Variants in CNTNAP2 observed in about 807,000 individuals in gnomAD.
CNTNAP2 encodes contactin associated protein 2, also known as contactin-associated protein-like 2.
In CNTNAP2, 98 loss-of-function variants were observed where a neutral mutation model predicts 155.2. That is an observed-to-expected ratio of 0.63 (90% CI 0.54 to 0.75). CNTNAP2 has a LOEUF of 0.75. Among genes scored for constraint, CNTNAP2 ranks in the 30% least tolerant of loss-of-function variants. The pLI is 0.00. For synonymous variants in CNTNAP2, 651 were observed against 631.2 expected (o/e 1.03, Z -0.47); for missense variants, 1,727 against 1,688.1 (o/e 1.02, Z -0.40).
rs559004486 is a variant in CNTNAP2 at position 146,787,588 on chromosome 7, C to T, written c.208+13207C>T. 5.9e-5 allele frequency among the ~76,000 whole-genome samples: 9 copies of T among 152,112 alleles called. No individual in the cohort carries two copies. In the East Asian group the frequency reaches 9.6e-4, roughly 16 times the overall value. On this transcript the variant is annotated intron_variant, in intron 2 of 23. Coordinates refer to ENST00000361727, the MANE Select transcript of CNTNAP2 (RefSeq NM_014141.6). Reference sequence around the variant, plus strand: ...AGTGTTACAGCTCATAAATGCCGCACGGACACAAAGAGTGAGCAGCAGCAA... The same window carrying T: ...AGTGTTACAGCTCATAAATGCCGCATGGACACAAAGAGTGAGCAGCAGCAA...
chr7:147,441,738 G>A (rs983844880), intron 10 of CNTNAP2, among the ~76,000 whole-genome samples: 3 of 151,806 alleles, frequency 2.0e-5, no homozygotes, highest in African/African-American at 7.3e-5. Flanking sequence ...AAGAAGACCT[G>A]GGCGAATTCT....
At chr7:148,289,943 A>G (rs1227089924) in intron 21 of CNTNAP2, among the ~76,000 whole-genome samples, 1 of 152,258 alleles carries the variant, frequency 6.6e-6, no homozygotes, top group African/African-American at 2.4e-5. Context: ...AAAATAACAA[A>G]CCACATTTTT....
At chr7:147,942,754 C>T (rs1181846464) in intron 14 of CNTNAP2, among the ~76,000 whole-genome samples, 1 of 152,136 alleles carries the variant, frequency 6.6e-6, no homozygotes, top group Non-Finnish European at 1.5e-5. Context: ...CTGTGTCTTA[C>T]TGGCCAGGCG....
At chr7:147,355,312 A>T (rs183101698) in intron 9 of CNTNAP2, among the ~76,000 whole-genome samples, 88 of 152,296 alleles carry the variant, frequency 5.8e-4, no homozygotes, top group African/African-American at 2.0e-3. Flanking sequence ...GGAAATTTAT[A>T]GCACTAAGTG....
intron 13 of CNTNAP2, among the ~76,000 whole-genome samples, chr7:147,734,912 T>C (rs1170771378): frequency 6.6e-6 from 1 of 152,154 alleles, no homozygotes; most frequent in East Asian, 1.9e-4. Flanking sequence ...TCTCTTTTCT[T>C]CTTTATTAGT....
chr7:148,104,295 G>A (rs925309074), intron 15 of CNTNAP2, among the ~76,000 whole-genome samples: 1 of 152,152 alleles, frequency 6.6e-6, no homozygotes, highest in South Asian at 2.1e-4. Flanking sequence ...TAACGTAATC[G>A]TATGGATCAT....
chr7:147,670,919 G>A (rs991470739), intron 13 of CNTNAP2, among the ~76,000 whole-genome samples: 25 of 152,214 alleles, frequency 1.6e-4, no homozygotes, highest in Admixed American at 1.4e-3. Context: ...AGCCGTCCAC[G>A]GATGGCAGAG....
At chr7:146,559,863 C>T (rs1798254497) in intron 1 of CNTNAP2, among the ~76,000 whole-genome samples, 2 of 151,780 alleles carry the variant, frequency 1.3e-5, no homozygotes, top group African/African-American at 2.4e-5. Context: ...AAAAAAATGA[C>T]ACAATTACAT....
intron 11 of CNTNAP2, among the ~76,000 whole-genome samples, chr7:147,511,050 G>T (rs1799010144): frequency 6.6e-6 from 1 of 151,254 alleles, no homozygotes; most frequent in South Asian, 2.1e-4. Flanking sequence ...ACAGACTCCT[G>T]GGCACCATCC....
chr7:147,740,870 G>GA (rs1796944935), intron 13 of CNTNAP2, among the ~76,000 whole-genome samples: 1 of 152,188 alleles, frequency 6.6e-6, no homozygotes, highest in African/African-American at 2.4e-5. Flanking sequence ...GCAAGAGGGA[G>GA]GGCCCAGGCA....
chr7:147,286,580 A>G (rs1805184562), intron 8 of CNTNAP2, among the ~76,000 whole-genome samples: 1 of 152,170 alleles, frequency 6.6e-6, no homozygotes, highest in Non-Finnish European at 1.5e-5. Flanking sequence ...GTGCAATTAA[A>G]GAATGATGAA....
At chr7:146,919,114 G>T (rs183346748) in intron 3 of CNTNAP2, among the ~76,000 whole-genome samples, 33 of 152,136 alleles carry the variant, frequency 2.2e-4, no homozygotes, top group Non-Finnish European at 4.6e-4. Context: ...ACTTCTTTAT[G>T]TTGGATTTCA....
At chr7:147,521,229 C>A (rs1475122287) in intron 11 of CNTNAP2, among the ~76,000 whole-genome samples, 1 of 152,132 alleles carries the variant, frequency 6.6e-6, no homozygotes, top group Non-Finnish European at 1.5e-5. Flanking sequence ...TTGCCTGCTT[C>A]GGTGTAGTTG....
chr7:148,061,974 G>GATAGATAGATAAACAGAT (rs1803156313), intron 15 of CNTNAP2, among the ~76,000 whole-genome samples: 1 of 121,944 alleles, frequency 8.2e-6, no homozygotes, highest in African/African-American at 3.6e-5. Context: ...TAGATAGATA[G>GATAGATAGATAAACAGAT]ATAGATAGAT....
chr7:147,787,876 G>C (rs1027536837), intron 13 of CNTNAP2, among the ~76,000 whole-genome samples: 1 of 152,180 alleles, frequency 6.6e-6, no homozygotes, highest in African/African-American at 2.4e-5. Flanking sequence ...AAAAGTATAA[G>C]TTGCTTAAGC....
At chr7:147,084,346 T>TCC in intron 4 of CNTNAP2, among the ~76,000 whole-genome samples, 1 of 44,316 alleles carries the variant, frequency 2.3e-5, no homozygotes, top group Admixed American at 3.2e-4. Flanking sequence ...GTATATATAA[T>TCC]ATATGCATAA....
chr7:146,465,656 G>A (rs111527541), intron 1 of CNTNAP2, among the ~76,000 whole-genome samples: 3 of 152,102 alleles, frequency 2.0e-5, no homozygotes, highest in Non-Finnish European at 4.4e-5. Context: ...TTCTGGAGAG[G>A]CATTTAAAAA....
intron 15 of CNTNAP2, among the ~76,000 whole-genome samples, chr7:147,988,053 T>C (rs1292449004): frequency 6.6e-6 from 1 of 152,146 alleles, no homozygotes; most frequent in Non-Finnish European, 1.5e-5. Context: ...AGAAATACGT[T>C]GGTTTGGTCC....
At chr7:147,207,321 C>T (rs1803043034) in intron 8 of CNTNAP2, among the ~76,000 whole-genome samples, 1 of 152,242 alleles carries the variant, frequency 6.6e-6, no homozygotes, top group South Asian at 2.1e-4. Flanking sequence ...TAGTTTACTA[C>T]ATTGGAGTAT....
Sources: allele counts gnomAD v4.1 joint callset (sites outside exome capture counted in the v4.1 genomes callset), GRCh38; gene constraint gnomAD v4.1.1; transcripts MANE v1.5; gene names NCBI Gene and HGNC (gene_info 2026-07-23, HGNC 2026-07-21).